RORA: variants seen among roughly 807,000 people sequenced by gnomAD.
RORA encodes nuclear receptor ROR-alpha.
A neutral mutation model predicts 69.5 loss-of-function variants in RORA; 7 were observed. That is an observed-to-expected ratio of 0.10 (90% CI 0.06 to 0.19). The LOEUF is 0.19. RORA is among the 10% of genes least tolerant of loss of function. The pLI is 1.00. For synonymous variants in RORA, 261 were observed against 240.8 expected (o/e 1.08, Z -0.78); for missense variants, 457 against 663.0 (o/e 0.69, Z 3.41).
intron 2 of RORA, among the ~76,000 whole-genome samples, chr15:60,625,587 G>A (rs2069554456): frequency 6.6e-6 from 1 of 152,192 alleles, no homozygotes; most frequent in African/African-American, 2.4e-5. Context: ...ATAACGTCTG[G>A]TGTATCATTA....
chr15:60,783,855 C>T (rs990538113), intron 1 of RORA, among the ~76,000 whole-genome samples: 3 of 152,208 alleles, frequency 2.0e-5, no homozygotes, highest in African/African-American at 7.2e-5. Flanking sequence ...TGTTAGCCAC[C>T]CTGAAATGAA....
intron 1 of RORA, among the ~76,000 whole-genome samples, chr15:60,829,451 CA>C (rs1567205752): frequency 6.6e-6 from 1 of 152,016 alleles, no homozygotes; most frequent in Non-Finnish European, 1.5e-5. Flanking sequence ...CCGATTCTGC[CA>C]AAAAATAGTT....
chr15:60,787,858 A>C (rs1175733366), intron 1 of RORA, among the ~76,000 whole-genome samples: 1 of 152,104 alleles, frequency 6.6e-6, no homozygotes, highest in East Asian at 1.9e-4. Context: ...GCATCAGAAA[A>C]ACCATTCATT....
chr15:60,704,323 G>T (rs1241065979), intron 1 of RORA, among the ~76,000 whole-genome samples: 1 of 152,258 alleles, frequency 6.6e-6, no homozygotes, highest in Non-Finnish European at 1.5e-5. Context: ...GAAGGGTGTT[G>T]CTGCCCTCCC....
intron 1 of RORA, among the ~76,000 whole-genome samples, chr15:61,144,116 C>G (rs1322829346): frequency 6.6e-6 from 1 of 152,164 alleles, no homozygotes; most frequent in Non-Finnish European, 1.5e-5. Flanking sequence ...TTGTCCTCTA[C>G]TGGGCTCCCT....
At chr15:60,819,771 A>ACACACACGCGCG (rs1555455787) in intron 1 of RORA, among the ~76,000 whole-genome samples, 59 of 151,288 alleles carry the variant, frequency 3.9e-4, no homozygotes, top group Admixed American at 5.9e-4. Flanking sequence ...ACACACACAC[A>ACACACACGCGCG]CACACACACA....
chr15:60,768,418 T>G (rs1157383827), intron 1 of RORA, among the ~76,000 whole-genome samples: 2 of 152,200 alleles, frequency 1.3e-5, no homozygotes, highest in Non-Finnish European at 2.9e-5. Context: ...GGCAGGTTTG[T>G]CCAGGTGTGA....
intron 1 of RORA, among the ~76,000 whole-genome samples, chr15:60,892,743 T>C (rs1361149617): frequency 3.9e-5 from 6 of 152,258 alleles, no homozygotes; most frequent in Middle Eastern, 6.8e-3. Flanking sequence ...ATGGTTTCAT[T>C]AGATAAACTC....
chr15:60,895,558 C>T lies in RORA; in HGVS notation c.167-216872G>A, dbSNP rs567516358. Among the ~76,000 whole-genome samples the T allele has an allele frequency of 4.4e-5, 6 of 137,750 alleles. No homozygotes were observed. The South Asian group carries it at 1.7e-3, about 38-fold the overall frequency. The allele number at this position is 137,750 out of a possible 152,430, so 90.4% of individuals were successfully genotyped here. A position where few individuals can be genotyped will look rare whatever the true frequency, so the allele number is the denominator to read the frequency against. ...AATATACTTCTCCTGCCTCCACCCCCCTCTCAGAATGGCTCTTTCAATAGC... is the reference window on the plus strand; with the variant it reads ...AATATACTTCTCCTGCCTCCACCCCTCTCTCAGAATGGCTCTTTCAATAGC... On this transcript the variant is annotated intron_variant, in intron 1 of 10. Coordinates refer to ENST00000335670, the MANE Select transcript of RORA (RefSeq NM_134261.3).
rs2079356075 is a variant in RORA, at chr15:61,147,026, C to T, written c.166+82027G>A. Among the ~76,000 whole-genome samples, 1 of 151,402 alleles carries T rather than the reference C, an allele frequency of 6.6e-6. No individual in the cohort carries two copies. Among genetic ancestry groups the T allele is most frequent in the Non-Finnish European group, 1.5e-5 (1 of 67,896 alleles). On this transcript the variant is annotated intron_variant, in intron 1 of 10. Coordinates refer to ENST00000335670, the MANE Select transcript of RORA (RefSeq NM_134261.3). This position sits in a 1 kb window ranked among gnomAD's most constrained non-coding sequence, Gnocchi z 4.1. ...CAGGCTATTCATGGTGGGGGGCAGT[C>T]ACGGGGGAACTAAATGGATTCCATT...
At chr15:61,083,857 C>A (rs960000925) in intron 1 of RORA, among the ~76,000 whole-genome samples, 2 of 151,976 alleles carry the variant, frequency 1.3e-5, no homozygotes, top group South Asian at 4.2e-4. Flanking sequence ...AGAGGGAGAA[C>A]ATAAAAGGAG....
intron 1 of RORA, among the ~76,000 whole-genome samples, chr15:60,680,136 C>G (rs7181663): frequency 6.6e-6 from 1 of 152,144 alleles, no homozygotes; most frequent in African/African-American, 2.4e-5. Context: ...ATTTGCAACT[C>G]CAGCTCATGA....
At chr15:60,965,131 C>T (rs1252705521) in intron 1 of RORA, among the ~76,000 whole-genome samples, 3 of 152,082 alleles carry the variant, frequency 2.0e-5, no homozygotes, top group East Asian at 3.8e-4. Flanking sequence ...ATGAAGATAC[C>T]TTCTTAGTCC....
chr15:60,570,441 CT>C (rs1353224710), intron 2 of RORA, among the ~76,000 whole-genome samples: 2 of 152,128 alleles, frequency 1.3e-5, no homozygotes, highest in African/African-American at 4.8e-5. Context: ...GGTTATCCTC[CT>C]ACCTCAGTCT....
In RORA at chr15:60,592,318, C is replaced by A. The variant is rs934199018; in HGVS notation, c.197-60467G>T. ...CGGGCAGGCGCGCCCACCCCTCCCCCTGCGCGCCCTCCTCCCCGCCCCCCG... is the reference window on the plus strand; with the variant it reads ...CGGGCAGGCGCGCCCACCCCTCCCCATGCGCGCCCTCCTCCCCGCCCCCCG... On this transcript the variant is annotated intron_variant, in intron 2 of 10. Coordinates refer to ENST00000335670, the MANE Select transcript of RORA (RefSeq NM_134261.3). 5.9e-6 allele frequency: 7 copies of A among 1,190,822 alleles called. No individual in the cohort carries two copies. In the African/African-American group the frequency reaches 1.1e-4, roughly 19 times the overall value. The allele number at this position is 1,190,822 out of a possible 1,614,324, so 73.8% of individuals were successfully genotyped here. A position where few individuals can be genotyped will look rare whatever the true frequency, so the allele number is the denominator to read the frequency against.
intron 1 of RORA, among the ~76,000 whole-genome samples, chr15:60,702,101 G>C (rs1180807972): frequency 6.6e-6 from 1 of 152,188 alleles, no homozygotes; most frequent in Non-Finnish European, 1.5e-5. Flanking sequence ...GTTTGAGGCT[G>C]GGATCAGTGC....
chr15:60,641,809 A>G (rs919975232), intron 2 of RORA, among the ~76,000 whole-genome samples: 2 of 152,154 alleles, frequency 1.3e-5, no homozygotes, highest in Non-Finnish European at 2.9e-5. Flanking sequence ...CAAACACTCA[A>G]CATACAGTAA....
At chr15:60,533,427 G>C (rs930518510) in intron 2 of RORA, among the ~76,000 whole-genome samples, 4 of 152,176 alleles carry the variant, frequency 2.6e-5, no homozygotes, top group African/African-American at 9.7e-5. Flanking sequence ...TTCAACAAAA[G>C]TTGTCATTTG....
At chr15:60,965,259 C>A (rs1421780933) in intron 1 of RORA, among the ~76,000 whole-genome samples, 1 of 152,136 alleles carries the variant, frequency 6.6e-6, no homozygotes, top group Non-Finnish European at 1.5e-5. Context: ...ATGGTCCACC[C>A]TTCCTTCCCA....
Sources: allele counts gnomAD v4.1 joint callset (sites outside exome capture counted in the v4.1 genomes callset), GRCh38; gene constraint gnomAD v4.1.1; non-coding constraint Gnocchi (gnomAD v3.1); transcripts MANE v1.5; gene names NCBI Gene and HGNC (gene_info 2026-07-23, HGNC 2026-07-21).